The following GABRA2 variants were observed in gnomAD, a reference collection of about 807,000 sequenced individuals.
GABRA2 encodes gamma-aminobutyric acid receptor subunit alpha-2.
GABRA2 carries 16 observed loss-of-function variants against 48.7 expected under a neutral mutation model. The observed-to-expected ratio is 0.33, with a 90% CI of 0.22 to 0.50. The LOEUF is 0.50. Ranked by LOEUF, GABRA2 falls within the 20% of genes least tolerant of loss-of-function variation. GABRA2 has a pLI of 0.98. For missense variants in GABRA2, 275 were observed against 535.6 expected, an observed-to-expected ratio of 0.51 and a Z score of 4.80; for synonymous variants, 185 against 184.5, an observed-to-expected ratio of 1.00 and a Z score of -0.02.
chr4:46,371,829 T>G (rs73133240), intron 3 of GABRA2, among the ~76,000 whole-genome samples: 1 of 152,090 alleles, frequency 6.6e-6, no homozygotes, highest in Non-Finnish European at 1.5e-5. Flanking sequence ...TGTCAAAAAA[T>G]TGATATTATA....
At position 46,275,948 on chromosome 4, in the gene GABRA2, A is replaced by G. The variant is rs577101861; in HGVS notation, c.857-13820T>C. ...AACAAACAATAAAAATGCACTCAAA[A>G]TTTGGCTGCAGTGAAAGTAAATATT... On this transcript the variant is annotated intron_variant, in intron 8 of 9. Coordinates refer to ENST00000381620, the MANE Select transcript of GABRA2 (RefSeq NM_000807.4). 2.6e-5 allele frequency among the ~76,000 whole-genome samples: 4 copies of G among 152,266 alleles called. No homozygotes were observed. The South Asian group carries it at 8.3e-4, about 32-fold the overall frequency.
intron 9 of GABRA2, among the ~76,000 whole-genome samples, chr4:46,259,251 G>T (rs1160886273): frequency 6.6e-6 from 1 of 151,788 alleles, no homozygotes; most frequent in Non-Finnish European, 1.5e-5. Context: ...TTCCATAAGA[G>T]CCTGGGGTTG....
In GABRA2 at chr4:46,244,937, C is replaced by T. The variant is rs1713434205; in HGVS notation, c.*5371G>A. Among the ~76,000 whole-genome samples, 1 of 151,442 alleles carries T rather than the reference C, an allele frequency of 6.6e-6. No homozygotes were observed. Among genetic ancestry groups the T allele is most frequent in the Admixed American group, 6.6e-5 (1 of 15,154 alleles). ...TGTTATGTAGAAAACCATGTAATGG[C>T]TCCCTTATTGAATGAATATTCCCCA... On this transcript the variant is annotated 3_prime_UTR_variant, in exon 10 of 10. Coordinates refer to ENST00000381620, the MANE Select transcript of GABRA2 (RefSeq NM_000807.4).
chr4:46,308,392 A>T (rs1727070145), intron 6 of GABRA2, among the ~76,000 whole-genome samples: 1 of 152,150 alleles, frequency 6.6e-6, no homozygotes, highest in South Asian at 2.1e-4. Context: ...GGGGGTAGGG[A>T]AGAAGAGGGC....
chr4:46,264,351 T>C (rs568725979), intron 8 of GABRA2, among the ~76,000 whole-genome samples: 2 of 152,238 alleles, frequency 1.3e-5, no homozygotes, highest in African/African-American at 4.8e-5. Context: ...ACCTGTAGTA[T>C]AACGTTGAAT....
intron 8 of GABRA2, among the ~76,000 whole-genome samples, chr4:46,279,646 T>A (rs1721137447): frequency 6.6e-6 from 1 of 152,226 alleles, no homozygotes; most frequent in Non-Finnish European, 1.5e-5. Context: ...AATATATATT[T>A]CACAGTAAAG....
At chr4:46,379,577 C>A (rs1001108650) in intron 3 of GABRA2, among the ~76,000 whole-genome samples, 5 of 152,046 alleles carry the variant, frequency 3.3e-5, no homozygotes, top group Admixed American at 2.0e-4. Flanking sequence ...GGATCTCATG[C>A]GGAGCATTAA....
chr4:46,253,777 G>C (rs1490113553), intron 9 of GABRA2, among the ~76,000 whole-genome samples: 3 of 151,398 alleles, frequency 2.0e-5, no homozygotes, highest in Non-Finnish European at 4.4e-5. Context: ...GAAGGGCAGG[G>C]CAATCCTATG....
chr4:46,316,633 C>A (rs1158448923), intron 4 of GABRA2, among the ~76,000 whole-genome samples: 2 of 151,950 alleles, frequency 1.3e-5, no homozygotes, highest in Admixed American at 6.6e-5. Context: ...TGTTTATGTA[C>A]AACTTGGTAG....
intron 3 of GABRA2, among the ~76,000 whole-genome samples, chr4:46,380,656 A>G (rs1716639387): frequency 6.6e-6 from 1 of 152,192 alleles, no homozygotes; most frequent in Non-Finnish European, 1.5e-5. Flanking sequence ...GCTGAAAGTC[A>G]TATAGTTAAT....
intron 3 of GABRA2, among the ~76,000 whole-genome samples, chr4:46,378,769 G>A (rs1376267058): frequency 6.6e-6 from 1 of 151,890 alleles, no homozygotes; most frequent in African/African-American, 2.4e-5. Flanking sequence ...GGAGGCCACA[G>A]TGGGCTGAGA....
At chr4:46,300,702 A>G (rs925565018) in intron 8 of GABRA2, among the ~76,000 whole-genome samples, 1 of 152,048 alleles carries the variant, frequency 6.6e-6, no homozygotes, top group African/African-American at 2.4e-5. Context: ...ATTAATAGCA[A>G]CACTATCCAC....
chr4:46,377,663 C>T (rs1194851824), intron 3 of GABRA2, among the ~76,000 whole-genome samples: 2 of 148,268 alleles, frequency 1.3e-5, no homozygotes, highest in Admixed American at 6.7e-5. Flanking sequence ...GCGCCTCTGC[C>T]CGGCCGCCCC....
intron 3 of GABRA2, among the ~76,000 whole-genome samples, chr4:46,363,211 A>G (rs556241343): frequency 6.6e-6 from 1 of 152,338 alleles, no homozygotes; most frequent in Non-Finnish European, 1.5e-5. Context: ...GAATAAGTGA[A>G]TGATGTATTT....
chr4:46,325,530 G>C (rs961559362), intron 4 of GABRA2, among the ~76,000 whole-genome samples: 1 of 152,002 alleles, frequency 6.6e-6, no homozygotes, highest in African/African-American at 2.4e-5. Context: ...TAGGTTGTCT[G>C]TTTGCTCTGT....
At chr4:46,261,784 G>T in intron 9 of GABRA2, 142 bp downstream of exon 9, 1 of 744,474 alleles carries the variant, frequency 1.3e-6, no homozygotes. Flanking sequence ...TTTCAGGCAA[G>T]AACACTTTAA....
At chr4:46,389,566 A>C (rs898685946) in intron 1 of GABRA2, 169 bp downstream of exon 1, 9 of 421,438 alleles carry the variant, frequency 2.1e-5, no homozygotes, top group Non-Finnish European at 6.4e-6. Flanking sequence ...TCTGGTGATA[A>C]GTATCGAAAT....
intron 3 of GABRA2, among the ~76,000 whole-genome samples, chr4:46,351,016 C>T (rs753582590): frequency 6.6e-5 from 10 of 151,786 alleles, no homozygotes; most frequent in Non-Finnish European, 1.2e-4. Flanking sequence ...ATCCTTATAT[C>T]TATAATGCAT....
At chr4:46,301,638 T>A (rs1725749372) in intron 8 of GABRA2, among the ~76,000 whole-genome samples, 1 of 152,198 alleles carries the variant, frequency 6.6e-6, no homozygotes, top group Non-Finnish European at 1.5e-5. Flanking sequence ...AAAGTCCTAC[T>A]CATCTTCCAA....
Sources: gnomAD v4.1 joint callset for allele counts (sites outside exome capture counted in the v4.1 genomes callset) on GRCh38, gnomAD v4.1.1 for gene constraint, MANE v1.5 for transcripts, NCBI Gene and HGNC (gene_info 2026-07-23, HGNC 2026-07-21) for gene names.